Variants in GUCY2C observed in about 807,000 individuals in gnomAD.
GUCY2C encodes the protein guanylate cyclase 2C.
Under a neutral mutation model 131.1 loss-of-function variants are expected in GUCY2C, and 118 were observed. The observed-to-expected ratio is 0.90, with a 90% CI of 0.78 to 1.05. The LOEUF (loss-of-function observed/expected upper bound fraction) is 1.05. Ranked by LOEUF, GUCY2C falls within the 50% of genes least tolerant of loss-of-function variation. GUCY2C has a pLI of 0.00. For missense variants in GUCY2C, 1,161 were observed against 1,304.4 expected, an observed-to-expected ratio of 0.89 and a Z score of 1.69; for synonymous variants, 452 against 457.8, an observed-to-expected ratio of 0.99 and a Z score of 0.16.
chr12:14,621,591 T>G (rs1188604847), intron 22 of GUCY2C, among the ~76,000 whole-genome samples: 1 of 152,222 alleles, frequency 6.6e-6, no homozygotes, highest in Non-Finnish European at 1.5e-5. Context: ...CAACATACTA[T>G]TTAACAGAAT....
intron 19 of GUCY2C, among the ~76,000 whole-genome samples, chr12:14,629,870 A>C (rs1043545454): frequency 1.3e-5 from 2 of 152,232 alleles, no homozygotes; most frequent in African/African-American, 4.8e-5. Flanking sequence ...AGAAAAATAA[A>C]GGACATCAAG....
chr12:14,628,664 G>T lies in GUCY2C; in HGVS notation c.2231C>A (p.Thr744Lys). The T allele has an allele frequency of 6.4e-7, 1 of 1,558,220 alleles. No homozygotes were observed. Among genetic ancestry groups the T allele is most frequent in the Non-Finnish European group, 8.9e-7 (1 of 1,129,336 alleles). The change falls in exon 20 of 27, where the codon ACA (threonine) becomes AAA (lysine). Residue 744 changes from threonine (T) to lysine (K), a missense_variant. Thr to Lys is a moderately conservative substitution (Grantham distance 78). Coordinates refer to ENST00000261170, the MANE Select transcript of GUCY2C (RefSeq NM_004963.4). ...KRPDFKKIET[T>K]LAKIFGLFHD... Reference sequence around the variant, plus strand: ...GCAATACCCAAATATCTTGGCAAGTGTAGTCTCAATTTTTTTGAAATCTGG... The same window carrying T: ...GCAATACCCAAATATCTTGGCAAGTTTAGTCTCAATTTTTTTGAAATCTGG...
chr12:14,665,538 G>C, intron 10 of GUCY2C: 1 of 152,028 alleles, frequency 6.6e-6, no homozygotes, highest in East Asian at 1.9e-4. Context: ...GACATGATTG[G>C]ACTTGTGCTT....
chr12:14,637,852 C>A (rs1255907930), intron 19 of GUCY2C, among the ~76,000 whole-genome samples: 1 of 152,094 alleles, frequency 6.6e-6, no homozygotes, highest in Non-Finnish European at 1.5e-5. Context: ...AAAGCACAGG[C>A]AACCAAACCA....
chr12:14,671,112 A>G (rs1009369044), intron 9 of GUCY2C, among the ~76,000 whole-genome samples: 8 of 152,062 alleles, frequency 5.3e-5, no homozygotes, highest in Non-Finnish European at 1.0e-4. Flanking sequence ...ATTCAAGTTG[A>G]GATTTCGGTG....
rs571172571 is a variant in GUCY2C at position 14,674,738 on chromosome 12, G to T, written c.971C>A (p.Ala324Asp). 1.2e-6 allele frequency: 2 copies of T among 1,610,590 alleles called. No homozygotes were observed. Among genetic ancestry groups the T allele is most frequent in the East Asian group, 4.5e-5 (2 of 44,844 alleles). Residue 324 changes from alanine (A) to aspartate (D), a missense_variant, in exon 8 of 27, where the codon GCC (alanine) becomes GAC (aspartate). Physicochemically the swap from Ala to Asp is moderately radical, Grantham distance 126. Coordinates refer to ENST00000261170, the MANE Select transcript of GUCY2C (RefSeq NM_004963.4). ...AAAGAGCAGGATTCCATTCAAATAGGCAAGAGCAAAGTCTCGTTTTGTCTA... is the reference window on the plus strand; with the variant it reads ...AAAGAGCAGGATTCCATTCAAATAGTCAAGAGCAAAGTCTCGTTTTGTCTA... ...LSPTKRDFAL[A>D]YLNGILLFGH...
chr12:14,619,449 T>C (rs1946847229), intron 23 of GUCY2C, 140 bp from the exon 24 acceptor site: 3 of 592,006 alleles, frequency 5.1e-6, no homozygotes, highest in Non-Finnish European at 6.1e-6. Context: ...AAATGTGAGC[T>C]GGGACTTTTG....
At chr12:14,628,991 C>T (rs1409247131) in intron 19 of GUCY2C, among the ~76,000 whole-genome samples, 3 of 151,950 alleles carry the variant, frequency 2.0e-5, no homozygotes, top group Non-Finnish European at 2.9e-5. Flanking sequence ...CGGGTTGATA[C>T]GGGAGACTAA....
rs1428612084 is a variant in GUCY2C, at chr12:14,669,753, G to A, written c.1251C>T (p.Asn417=). 4.4e-6 allele frequency: 7 copies of A among 1,597,268 alleles called. No individual in the cohort carries two copies. The African/African-American group carries it at 8.1e-5, about 18-fold the overall frequency. Residue 417 remains asparagine (N), a synonymous_variant, in exon 10 of 27, where the codon AAC becomes AAT. Transcript: ENST00000261170. Reference sequence around the variant, plus strand: ...CTGTAATATCATTAGGAAGTTTAGAGTTCTTCCAAGTGAATGTGGGGCTCA... The same window carrying A: ...CTGTAATATCATTAGGAAGTTTAGAATTCTTCCAAGTGAATGTGGGGCTCA... ...VDMSPTFTWK[N]SKLPNDITGR...
chr12:14,653,076 C>G, intron 12 of GUCY2C, 62 bp from the exon 13 acceptor site: 3 of 1,214,092 alleles, frequency 2.5e-6, no homozygotes, highest in Non-Finnish European at 3.7e-6. Context: ...CACTGCCTGT[C>G]AAAGGCTGAG....
chr12:14,641,809 T>C (rs2023287), intron 17 of GUCY2C, among the ~76,000 whole-genome samples: 151,921 of 151,984 alleles, frequency 1, 75,929 homozygotes, highest in Middle Eastern at 1. Context: ...TGGTGGTGGG[T>C]GCCTGTAGTC....
Position 14,621,225 on chromosome 12 carries a change from A to T in GUCY2C, c.2602-9T>A. On this transcript the variant is annotated splice_polypyrimidine_tract_variant and intron_variant, in intron 22 of 26. Coordinates refer to ENST00000261170, the MANE Select transcript of GUCY2C (RefSeq NM_004963.4). ...TCACCGATGGTTTCCACCTGTGGAA[A>T]CAGTTTCTCATGAGTGCCTCTGCCC... The T allele has an allele frequency of 6.2e-7, 1 of 1,606,716 alleles. No individual in the cohort carries two copies. The highest frequency in any genetic ancestry group is 8.5e-7 in the Non-Finnish European group (1 of 1,174,812).
At chr12:14,648,230 GAT>G (rs1316129469) in intron 15 of GUCY2C, among the ~76,000 whole-genome samples, 1 of 151,516 alleles carries the variant, frequency 6.6e-6, no homozygotes, top group African/African-American at 2.4e-5. Flanking sequence ...AAAGTGATGG[GAT>G]TACAGGCATG....
Position 14,690,085 on chromosome 12 carries a change from TA to T in GUCY2C, c.218-2023del, listed in dbSNP as rs1948548188. Among the ~76,000 whole-genome samples the T allele has an allele frequency of 4.6e-5, 7 of 152,248 alleles. No homozygotes were observed. The South Asian group carries it at 1.4e-3, about 32-fold the overall frequency. Reference sequence around the variant, plus strand: ...ACATCCTCTTACTTTAAAATGTTTCTAATCAAGGATAAAGAAAACAAAAATG... The same window carrying T: ...ACATCCTCTTACTTTAAAATGTTTCTATCAAGGATAAAGAAAACAAAAATG... On this transcript the variant is annotated intron_variant, in intron 1 of 26. Coordinates refer to ENST00000261170, the MANE Select transcript of GUCY2C (RefSeq NM_004963.4).
At chr12:14,649,686 A>G (rs11832159) in intron 15 of GUCY2C, among the ~76,000 whole-genome samples, 3,873 of 152,282 alleles carry the variant, frequency 0.025, 102 homozygotes, top group African/African-American at 0.066. Context: ...TAAAGTGATC[A>G]TTTTAATTGA....
chr12:14,625,478 C>A (rs1381046971), intron 21 of GUCY2C, among the ~76,000 whole-genome samples: 3 of 151,962 alleles, frequency 2.0e-5, no homozygotes, highest in African/African-American at 4.8e-5. Context: ...AAGGTGCGCG[C>A]CACCACACCT....
chr12:14,616,973 G>A (rs1558794), intron 24 of GUCY2C, among the ~76,000 whole-genome samples: 4 of 152,162 alleles, frequency 2.6e-5, no homozygotes, highest in Non-Finnish European at 2.9e-5. Context: ...CCTGGCCCCC[G>A]ACCAGGTGTC....
Position 14,651,427 on chromosome 12 carries a change from A to C in GUCY2C, c.1690T>G (p.Cys564Gly). 1 of 1,576,534 alleles carries C rather than the reference A, an allele frequency of 6.3e-7. No individual in the cohort carries two copies. The highest frequency in any genetic ancestry group is 8.7e-7 in the Non-Finnish European group (1 of 1,145,838). Residue 564 changes from cysteine to glycine, a missense_variant, in exon 15 of 27, where the codon TGT (cysteine) becomes GGT (glycine). Coordinates refer to ENST00000261170, the MANE Select transcript of GUCY2C (RefSeq NM_004963.4). Reference sequence around the variant, plus strand: ...CTTACCCGGAGGGATCCTCTCTCACAGTATTCTATCACCCCGAAGATCATG... The same window carrying C: ...CTTACCCGGAGGGATCCTCTCTCACCGTATTCTATCACCCCGAAGATCATG... Reference protein sequence around the residue: ...DTMIFGVIEYCERGSLREVLN... With the variant: ...DTMIFGVIEYGERGSLREVLN...
intron 10 of GUCY2C, among the ~76,000 whole-genome samples, chr12:14,665,232 A>G (rs1947953397): frequency 6.6e-6 from 1 of 151,906 alleles, no homozygotes; most frequent in Admixed American, 6.6e-5. Flanking sequence ...AAAAAAAAAA[A>G]AAAAAGCTAA....
Sources: gnomAD v4.1 joint callset for allele counts (sites outside exome capture counted in the v4.1 genomes callset) on GRCh38, gnomAD v4.1.1 for gene constraint, MANE v1.5 for transcripts, NCBI Gene and HGNC (gene_info 2026-07-23, HGNC 2026-07-21) for gene names.